CNOT4: variants seen among roughly 807,000 people sequenced by gnomAD.
CNOT4 encodes CCR4-NOT transcription complex subunit 4, also known as CCR4-associated factor 4.
CNOT4 carries 8 observed loss-of-function variants against 73.8 expected under a neutral mutation model. The ratio of observed to expected loss-of-function variants is 0.11; its 90% CI spans 0.06 to 0.20. The LOEUF is 0.20. Ranked by LOEUF, CNOT4 falls within the 10% of genes least tolerant of loss-of-function variation. The probability of loss-of-function intolerance (pLI) is 1.00; values close to 1 mark genes in which losing one functional copy is unlikely to be tolerated. For synonymous variants in CNOT4, 293 were observed against 321.1 expected (o/e 0.91, Z 0.94); for missense variants, 564 against 883.4 (o/e 0.64, Z 4.58).
chr7:135,484,744 G>A (rs1802608843), intron 1 of CNOT4, among the ~76,000 whole-genome samples: 1 of 145,440 alleles, frequency 6.9e-6, no homozygotes. Context: ...AAGAGAGTGA[G>A]ACTCTGTCTC....
intron 2 of CNOT4, among the ~76,000 whole-genome samples, chr7:135,424,251 T>G: frequency 6.6e-6 from 1 of 152,280 alleles, no homozygotes; most frequent in African/African-American, 2.4e-5. Flanking sequence ...CTCCACTTAC[T>G]TTTCTGTACC....
intron 1 of CNOT4, among the ~76,000 whole-genome samples, chr7:135,441,269 G>C (rs1204000519): frequency 6.6e-6 from 1 of 151,750 alleles, no homozygotes; most frequent in East Asian, 1.9e-4. Flanking sequence ...AATTCAAATG[G>C]CCCTTTAAAA....
intron 1 of CNOT4, among the ~76,000 whole-genome samples, chr7:135,486,930 G>T (rs1295103738): frequency 6.6e-6 from 1 of 152,036 alleles, no homozygotes; most frequent in South Asian, 2.1e-4. Flanking sequence ...AATAAAAAAG[G>T]TAAAGAGTAC....
rs1173725077 is a variant in CNOT4, at chr7:135,420,346, G to A, written c.372+1810C>T. ...AATCCCAGCACTTTGGGAGGCCAAG[G>A]CAGGCAGATTGCTTGAGCTCAGGAG... On this transcript the variant is annotated intron_variant, in intron 3 of 11. Coordinates refer to ENST00000541284, the MANE Select transcript of CNOT4 (RefSeq NM_001190850.2). 3.3e-5 allele frequency among the ~76,000 whole-genome samples: 5 copies of A among 151,984 alleles called. No homozygotes were observed. In the East Asian group the frequency reaches 9.7e-4, roughly 29 times the overall value.
chr7:135,418,996 C>T (rs1330921212), intron 3 of CNOT4, among the ~76,000 whole-genome samples: 1 of 152,104 alleles, frequency 6.6e-6, no homozygotes, highest in Non-Finnish European at 1.5e-5. Context: ...CGCCCCCTGG[C>T]ATCAAAATAT....
intron 1 of CNOT4, among the ~76,000 whole-genome samples, chr7:135,447,313 C>T (rs2129485736): frequency 6.6e-6 from 1 of 152,266 alleles, no homozygotes; most frequent in East Asian, 1.9e-4. Context: ...TACTTAATTT[C>T]CCCTTTTAAA....
chr7:135,499,257 T>G (rs921881175), intron 1 of CNOT4, among the ~76,000 whole-genome samples: 1 of 152,138 alleles, frequency 6.6e-6, no homozygotes, highest in Non-Finnish European at 1.5e-5. Flanking sequence ...CTAGACTGTA[T>G]GTAGCCTCTC....
intron 7 of CNOT4, among the ~76,000 whole-genome samples, chr7:135,401,599 T>C (rs1208217071): frequency 6.6e-6 from 1 of 152,176 alleles, no homozygotes; most frequent in African/African-American, 2.4e-5. Flanking sequence ...AAAAACCATT[T>C]GTACAGCAAA....
intron 9 of CNOT4, 136 bp from the exon 10 acceptor site, chr7:135,394,551 C>T: frequency 1.4e-6 from 1 of 697,888 alleles, no homozygotes; most frequent in East Asian, 2.6e-5. Context: ...CTTCTTAGCA[C>T]ATTAAGATCA....
intron 1 of CNOT4, among the ~76,000 whole-genome samples, chr7:135,488,983 A>T (rs1034294436): frequency 2.6e-5 from 4 of 152,144 alleles, no homozygotes; most frequent in African/African-American, 9.6e-5. Flanking sequence ...ACTAAGAAGG[A>T]TAAAAACATA....
chr7:135,469,146 T>A (rs1801413616), intron 1 of CNOT4, among the ~76,000 whole-genome samples: 3 of 152,068 alleles, frequency 2.0e-5, no homozygotes, highest in African/African-American at 7.2e-5. Context: ...CCAGTATAAC[T>A]CTGAGGGATG....
intron 10 of CNOT4, among the ~76,000 whole-genome samples, chr7:135,368,002 C>A (rs1277540258): frequency 6.6e-6 from 1 of 151,846 alleles, no homozygotes; most frequent in Non-Finnish European, 1.5e-5. Flanking sequence ...TAAATATGTA[C>A]AACAAAACAC....
chr7:135,496,652 C>CTT (rs963913065), intron 1 of CNOT4, among the ~76,000 whole-genome samples: 2 of 151,886 alleles, frequency 1.3e-5, no homozygotes, highest in Admixed American at 1.3e-4. Flanking sequence ...CTCTCTCTCT[C>CTT]TCTGACCTTT....
chr7:135,452,984 A>G (rs919493554), intron 1 of CNOT4, among the ~76,000 whole-genome samples: 3 of 152,218 alleles, frequency 2.0e-5, no homozygotes, highest in Non-Finnish European at 4.4e-5. Context: ...GGAATTGCCT[A>G]TATCAATTTA....
chr7:135,507,022 T>C lies in CNOT4; in HGVS notation c.-93+2867A>G, dbSNP rs77105459. ...ATCCAAACTGCTTAAACTGATAAGATATTTTTTCATTCCTTTAAAGCACAC... is the reference window on the plus strand; with the variant it reads ...ATCCAAACTGCTTAAACTGATAAGACATTTTTTCATTCCTTTAAAGCACAC... On this transcript the variant is annotated intron_variant, in intron 1 of 11. Transcript: ENST00000541284. Among the ~76,000 whole-genome samples, 30 of 152,326 alleles carry C rather than the reference T, an allele frequency of 2.0e-4. No individual in the cohort carries two copies. In the East Asian group the frequency reaches 4.4e-3, roughly 22 times the overall value.
At chr7:135,414,306 AAAAG>A in intron 5 of CNOT4, 21 bp downstream of exon 5, 2 of 851,692 alleles carry the variant, frequency 2.3e-6, no homozygotes, top group Middle Eastern at 4.6e-4. Context: ...AAAAAAAAAA[AAAAG>A]AATCAAGAGG....
At chr7:135,471,998 C>A (rs556306306) in intron 1 of CNOT4, among the ~76,000 whole-genome samples, 1 of 151,814 alleles carries the variant, frequency 6.6e-6, no homozygotes, top group Non-Finnish European at 1.5e-5. Context: ...CATGGTGAAA[C>A]CCTGTCTCTA....
intron 1 of CNOT4, among the ~76,000 whole-genome samples, chr7:135,458,408 T>G (rs1417292326): frequency 6.6e-6 from 1 of 152,062 alleles, no homozygotes; most frequent in Admixed American, 6.6e-5. Context: ...GGGTGGTCGT[T>G]GCCAAAAGAT....
intron 6 of CNOT4, 113 bp downstream of exon 6, chr7:135,413,374 GT>G: frequency 8.2e-7 from 1 of 1,212,666 alleles, no homozygotes; most frequent in Non-Finnish European, 1.2e-6. Flanking sequence ...CTACTTTAAA[GT>G]AATATCAGTT....
Sources: gnomAD v4.1 joint callset for allele counts (sites outside exome capture counted in the v4.1 genomes callset) on GRCh38, gnomAD v4.1.1 for gene constraint, MANE v1.5 for transcripts, NCBI Gene and HGNC (gene_info 2026-07-23, HGNC 2026-07-21) for gene names.